Variants in INO80D observed in about 807,000 individuals in gnomAD.
The protein encoded by INO80D is INO80 complex subunit D.
Under a neutral mutation model 87.6 loss-of-function variants are expected in INO80D, and 21 were observed. That is an observed-to-expected ratio of 0.24 (90% CI 0.17 to 0.35). INO80D has a LOEUF of 0.35. Ranked by LOEUF, INO80D falls within the 10% of genes least tolerant of loss-of-function variation. The pLI is 1.00. For missense variants in INO80D, 982 were observed against 1,280.7 expected (o/e 0.77, Z 3.56); for synonymous variants, 440 against 491.0 (o/e 0.90, Z 1.37).
intron 1 of INO80D, among the ~76,000 whole-genome samples, chr2:206,069,920 C>A (rs1689914300): frequency 6.6e-6 from 1 of 152,144 alleles, no homozygotes; most frequent in African/African-American, 2.4e-5. Context: ...AGTCTCCTCT[C>A]CTTTCTTTCC....
chr2:206,051,792 C>T (rs1373365458), intron 4 of INO80D, among the ~76,000 whole-genome samples: 1 of 152,124 alleles, frequency 6.6e-6, no homozygotes, highest in East Asian at 1.9e-4. Flanking sequence ...TGAGCCACCT[C>T]GCCTGGCCTC....
chr2:206,062,564 A>AT lies in INO80D; in HGVS notation c.218+234dup, dbSNP rs1689714523. On this transcript the variant is annotated intron_variant, in intron 3 of 10. Transcript: ENST00000403263. This position sits in a 1 kb window ranked among gnomAD's most constrained non-coding sequence, Gnocchi z 4.6. ...TCAATTAAATAGAAGACACTCAAAC[A>AT]TACTTTAAGTAATTCCCCAAATTTA... Among the ~76,000 whole-genome samples, 1 of 152,210 alleles carries AT rather than the reference A, an allele frequency of 6.6e-6. No homozygotes were observed. The highest frequency in any genetic ancestry group is 2.1e-4 in the South Asian group (1 of 4,834).
intron 6 of INO80D, among the ~76,000 whole-genome samples, chr2:206,025,328 G>GACC (rs1260227064): frequency 3.3e-5 from 5 of 151,100 alleles, no homozygotes; most frequent in Non-Finnish European, 4.4e-5. Flanking sequence ...AGGAATTCCA[G>GACC]ACCAGGCTGG....
rs763348378 is a variant in INO80D at position 206,005,019 on chromosome 2, G to A, written c.2433C>T (p.Thr811=). 2 of 1,614,018 alleles carry A rather than the reference G, an allele frequency of 1.2e-6. No individual in the cohort carries two copies. The highest frequency in any genetic ancestry group is 1.7e-6 in the Non-Finnish European group (2 of 1,179,888). The change falls in exon 11 of 11, where the codon ACC becomes ACT. Residue 811 remains threonine, a synonymous_variant. Transcript: ENST00000403263. ...GATCACTGCTGTATTGCTGTCGTGAGGTGATTAGGTCATCTGCCTTGCTCA... is the reference window on the plus strand; with the variant it reads ...GATCACTGCTGTATTGCTGTCGTGAAGTGATTAGGTCATCTGCCTTGCTCA... The part of the protein sequence containing the change: ...QLLSKADDLI[T]SRQQYSSDHS...
chr2:206,047,284 T>A (rs1014028271), intron 4 of INO80D, among the ~76,000 whole-genome samples: 1 of 152,158 alleles, frequency 6.6e-6, no homozygotes, highest in Admixed American at 6.5e-5. Context: ...TGTGGCATGA[T>A]CTCGGCTCAC....
intron 6 of INO80D, among the ~76,000 whole-genome samples, chr2:206,026,072 A>AT (rs1688607978): frequency 6.6e-6 from 1 of 151,746 alleles, no homozygotes; most frequent in Non-Finnish European, 1.5e-5. Flanking sequence ...TAATTTTTGT[A>AT]TTTTTTAGTA....
At chr2:206,047,582 G>C (rs1268777566) in intron 4 of INO80D, among the ~76,000 whole-genome samples, 4 of 151,942 alleles carry the variant, frequency 2.6e-5, no homozygotes, top group Non-Finnish European at 5.9e-5. Context: ...ATACAAACAA[G>C]AGGGTGAGAA....
At chr2:206,068,273 A>T (rs1055445330) in intron 1 of INO80D, among the ~76,000 whole-genome samples, 1 of 151,810 alleles carries the variant, frequency 6.6e-6, no homozygotes, top group Admixed American at 6.6e-5. Context: ...TAATTTTTTA[A>T]ATTTTTTGTA....
intron 6 of INO80D, among the ~76,000 whole-genome samples, chr2:206,022,988 CAGG>C (rs1265708070): frequency 6.6e-6 from 1 of 152,032 alleles, no homozygotes; most frequent in Non-Finnish European, 1.5e-5. Flanking sequence ...TACCTGAGGT[CAGG>C]AGTTCGAGAC....
chr2:206,060,542 A>AAAC (rs1353568070), intron 3 of INO80D, among the ~76,000 whole-genome samples: 1 of 150,976 alleles, frequency 6.6e-6, no homozygotes, highest in Non-Finnish European at 1.5e-5. Context: ...CAAAAAAAAA[A>AAAC]AACAACAACA....
chr2:206,056,083 C>A, intron 4 of INO80D, 115 bp downstream of exon 4: 1 of 1,018,010 alleles, frequency 9.8e-7, no homozygotes. Context: ...ACCACTCTGC[C>A]TCATTGTGAT....
In INO80D at chr2:205,996,887, A is replaced by G. The variant is rs1042833217; in HGVS notation, c.*7481T>C. The stretch of plus-strand genomic sequence containing the variant: ...GTACAAACTCCCTTCTTTCATTTGC[A>G]TGCATATGTACAAGAAATATGCAGA... On this transcript the variant is annotated 3_prime_UTR_variant, in exon 11 of 11. Coordinates refer to ENST00000403263, the MANE Select transcript of INO80D (RefSeq NM_017759.5). The G allele has an allele frequency of 2.6e-5, 4 of 151,630 alleles. No homozygotes were observed. The highest frequency in any genetic ancestry group is 4.8e-5 in the African/African-American group (2 of 41,364). 9.4% of individuals were successfully genotyped at this position (151,630 alleles called of 1,614,324 possible).
chr2:205,998,421 T>C lies in INO80D; in HGVS notation c.*5947A>G, dbSNP rs1023744537. On this transcript the variant is annotated 3_prime_UTR_variant, in exon 11 of 11. Transcript: ENST00000403263. Reference sequence around the variant, plus strand: ...ACCTTGACACGGCAGAGATCCAGTGTAAAAAGGTGCTTCACTAGTTTGTTT... The same window carrying C: ...ACCTTGACACGGCAGAGATCCAGTGCAAAAAGGTGCTTCACTAGTTTGTTT... 1.2e-4 allele frequency: 13 copies of C among 109,684 alleles called. No homozygotes were observed. Among genetic ancestry groups the C allele is most frequent in the Admixed American group, 2.4e-4 (2 of 8,450 alleles). The allele number at this position is 109,684 out of a possible 1,614,324, so 6.8% of individuals were successfully genotyped here. A position where few individuals can be genotyped will look rare whatever the true frequency, so the allele number is the denominator to read the frequency against.
rs1690458636 is a variant in INO80D, at chr2:206,085,991, G to C, written c.-214C>G. The C allele has an allele frequency of 6.6e-6, 1 of 152,406 alleles. No individual in the cohort carries two copies. Among genetic ancestry groups the C allele is most frequent in the African/African-American group, 2.4e-5 (1 of 41,424 alleles). The allele number at this position is 152,406 out of a possible 1,614,324, so 9.4% of individuals were successfully genotyped here. ...AGAGGCGCTGGCAATGGACTAGGAAGCTCGGCTGCCGCTGCTACTGCTCCC... is the reference window on the plus strand; with the variant it reads ...AGAGGCGCTGGCAATGGACTAGGAACCTCGGCTGCCGCTGCTACTGCTCCC... On this transcript the variant is annotated 5_prime_UTR_variant, in exon 1 of 11. Coordinates refer to ENST00000403263, the MANE Select transcript of INO80D (RefSeq NM_017759.5). The surrounding 1 kb of genome is among the most constrained non-coding windows in gnomAD (Gnocchi z 4.5).
At chr2:206,038,467 G>T (rs1199435374) in intron 5 of INO80D, among the ~76,000 whole-genome samples, 1 of 152,180 alleles carries the variant, frequency 6.6e-6, no homozygotes, top group Admixed American at 6.5e-5. Context: ...TGAATGCATT[G>T]TTGGTCCCAA....
At chr2:206,050,365 G>C (rs1166527786) in intron 4 of INO80D, among the ~76,000 whole-genome samples, 1 of 150,440 alleles carries the variant, frequency 6.6e-6, no homozygotes, top group East Asian at 2.0e-4. Flanking sequence ...GGTAGCATGC[G>C]CCTGTAGTCC....
intron 1 of INO80D, among the ~76,000 whole-genome samples, chr2:206,078,061 C>CAAAAAAAAAAAAAAAAAAAAAAAA (rs71410859): frequency 1.6e-5 from 1 of 63,062 alleles, no homozygotes; most frequent in Admixed American, 2.5e-4. Flanking sequence ...GCAATGTTTA[C>CAAAAAAAAAAAAAAAAAAAAAAAA]AAAAAAAAAA....
At chr2:206,039,226 C>T (rs1181408871) in intron 5 of INO80D, among the ~76,000 whole-genome samples, 1 of 151,968 alleles carries the variant, frequency 6.6e-6, no homozygotes, top group African/African-American at 2.4e-5. Flanking sequence ...GGAAAAACCC[C>T]GTCTCTACTA....
At chr2:206,025,542 A>AAAAAAAAAAAAAAAAATATAT (rs71301548) in intron 6 of INO80D, 1 of 76,936 alleles carries the variant, frequency 1.3e-5, no homozygotes, top group African/African-American at 4.4e-5. Context: ...AAAAAAAAAA[A>AAAAAAAAAAAAAAAAATATAT]ATATATATAT....
Sources: allele counts gnomAD v4.1 joint callset (sites outside exome capture counted in the v4.1 genomes callset), GRCh38; gene constraint gnomAD v4.1.1; non-coding constraint Gnocchi (gnomAD v3.1); transcripts MANE v1.5; gene names NCBI Gene and HGNC (gene_info 2026-07-23, HGNC 2026-07-21).